Variants in CRB1 observed in about 807,000 individuals in gnomAD.
The protein encoded by CRB1 is protein crumbs homolog 1.
Under a neutral mutation model 120.0 loss-of-function variants are expected in CRB1, and 83 were observed. The observed-to-expected ratio is 0.69, with a 90% CI of 0.58 to 0.83. The LOEUF is 0.83. Ranked by LOEUF, CRB1 falls within the 40% of genes least tolerant of loss-of-function variation. The probability of loss-of-function intolerance (pLI) is 0.00; values close to 1 mark genes in which losing one functional copy is unlikely to be tolerated. For missense variants in CRB1, 1,699 were observed against 1,687.6 expected, an observed-to-expected ratio of 1.01 and a Z score of -0.12; for synonymous variants, 625 against 612.5, an observed-to-expected ratio of 1.02 and a Z score of -0.30.
intron 1 of CRB1, among the ~76,000 whole-genome samples, chr1:197,277,473 T>C (rs1311863443): frequency 6.6e-6 from 1 of 151,934 alleles, no homozygotes; most frequent in East Asian, 1.9e-4. Flanking sequence ...CAACAAGCAA[T>C]TATGTCTAGT....
chr1:197,285,409 C>T (rs893081735), intron 1 of CRB1, among the ~76,000 whole-genome samples: 1 of 151,754 alleles, frequency 6.6e-6, no homozygotes, highest in Non-Finnish European at 1.5e-5. Flanking sequence ...AAATACTCCT[C>T]TCAGTGGGAT....
chr1:197,277,434 G>C (rs1157502968), intron 1 of CRB1, among the ~76,000 whole-genome samples: 3 of 151,988 alleles, frequency 2.0e-5, no homozygotes, highest in African/African-American at 7.2e-5. Context: ...ACACAATTCA[G>C]TTTGCTTTGC....
At chr1:197,406,116 G>A (rs957322855) in intron 5 of CRB1, among the ~76,000 whole-genome samples, 9 of 152,220 alleles carry the variant, frequency 5.9e-5, no homozygotes, top group African/African-American at 9.6e-5. Context: ...TGACAATGGC[G>A]GTTTTGTGGA....
chr1:197,319,256 T>C (rs1658034839), intron 1 of CRB1, among the ~76,000 whole-genome samples: 1 of 23,400 alleles, frequency 4.3e-5, no homozygotes, highest in Non-Finnish European at 9.2e-5. Context: ...ACCCTGTCTC[T>C]ACTAAAAAAA....
At chr1:197,452,998 G>T (rs1430980979) in intron 11 of CRB1, among the ~76,000 whole-genome samples, 1 of 151,842 alleles carries the variant, frequency 6.6e-6, no homozygotes, top group African/African-American at 2.4e-5. Context: ...TTCAGCGAAG[G>T]ATAAATGAAT....
the CRB1 span, among the ~76,000 whole-genome samples, chr1:197,218,369 AT>A: frequency 6.6e-6 from 1 of 152,230 alleles, no homozygotes; most frequent in South Asian, 2.1e-4. Context: ...GCTAGAACTC[AT>A]TTATATAATT....
chr1:197,350,341 G>C (rs1660027821), intron 4 of CRB1, among the ~76,000 whole-genome samples: 1 of 152,128 alleles, frequency 6.6e-6, no homozygotes, highest in African/African-American at 2.4e-5. Context: ...GTATTATTAT[G>C]AAAAGTAAAA....
chr1:197,369,088 C>G (rs1661230673), intron 5 of CRB1, among the ~76,000 whole-genome samples: 1 of 152,126 alleles, frequency 6.6e-6, no homozygotes, highest in Admixed American at 6.5e-5. Context: ...ATCCTGCGAG[C>G]TCTCATATGA....
intron 6 of CRB1, among the ~76,000 whole-genome samples, chr1:197,423,344 G>A (rs1270381527): frequency 6.6e-6 from 1 of 152,004 alleles, no homozygotes; most frequent in African/African-American, 2.4e-5. Context: ...TCCTGAATTG[G>A]TTACCCTTCC....
At chr1:197,254,502 C>A in the CRB1 span, among the ~76,000 whole-genome samples, 5 of 151,820 alleles carry the variant, frequency 3.3e-5, no homozygotes, top group African/African-American at 1.2e-4. Flanking sequence ...TTTTTCATAT[C>A]GTCTCTCTTA....
At chr1:197,379,454 C>T (rs1159533992) in intron 5 of CRB1, among the ~76,000 whole-genome samples, 2 of 151,748 alleles carry the variant, frequency 1.3e-5, no homozygotes, top group Non-Finnish European at 2.9e-5. Flanking sequence ...CTCCCGCCAC[C>T]ACGCCTGGCA....
chr1:197,393,516 T>C (rs560800456), intron 5 of CRB1, among the ~76,000 whole-genome samples: 56 of 134,474 alleles, frequency 4.2e-4, no homozygotes, highest in African/African-American at 1.3e-3. Flanking sequence ...TCTTGAAAAG[T>C]AGTCATTTTT....
In CRB1 at chr1:197,429,233, T is replaced by TTC; in HGVS notation, c.2677-206_2677-205dup. 3.5e-6 allele frequency: 5 copies of TTC among 1,433,916 alleles called. No individual in the cohort carries two copies. In the South Asian group the frequency reaches 6.9e-5, roughly 20 times the overall value. The allele number at this position is 1,433,916 out of a possible 1,614,324, so 88.8% of individuals were successfully genotyped here. A position where few individuals can be genotyped will look rare whatever the true frequency, so the allele number is the denominator to read the frequency against. Reference sequence around the variant, plus strand: ...GTGCTATGGATCAATTTTATATCTTTTCTCTCTCTCTGCCACCACTCTGCC... The same window carrying TTC: ...GTGCTATGGATCAATTTTATATCTTTTCTCTCTCTCTCTGCCACCACTCTGCC... On this transcript the variant is annotated intron_variant, in intron 7 of 11. Coordinates refer to ENST00000367400, the MANE Select transcript of CRB1 (RefSeq NM_201253.3).
intron 1 of CRB1, among the ~76,000 whole-genome samples, chr1:197,321,099 C>A (rs1322550103): frequency 6.6e-6 from 1 of 152,150 alleles, no homozygotes; most frequent in African/African-American, 2.4e-5. Context: ...CTTGCCATAG[C>A]CTTCTGGGGT....
chr1:197,369,808 C>T (rs975629187), intron 5 of CRB1, among the ~76,000 whole-genome samples: 6 of 152,142 alleles, frequency 3.9e-5, no homozygotes, highest in African/African-American at 1.4e-4. Flanking sequence ...AGCCCAATTA[C>T]CAATATCCTC....
At chr1:197,429,376 T>C in intron 7 of CRB1, 73 bp from the exon 8 acceptor site, 12 of 1,539,408 alleles carry the variant, frequency 7.8e-6, no homozygotes, top group South Asian at 1.1e-5. Flanking sequence ...AAAACAGATA[T>C]GTGGTTTCAC....
At chr1:197,250,179 A>G in the CRB1 span, among the ~76,000 whole-genome samples, 2 of 152,084 alleles carry the variant, frequency 1.3e-5, no homozygotes, top group East Asian at 3.9e-4. Flanking sequence ...TTATTGCTCT[A>G]TATTTTTCAT....
At chr1:197,289,723 T>C (rs59087047) in intron 1 of CRB1, among the ~76,000 whole-genome samples, 1 of 151,940 alleles carries the variant, frequency 6.6e-6, no homozygotes, top group African/African-American at 2.4e-5. Flanking sequence ...TTTTCAGCTA[T>C]GTCTAATATG....
intron 5 of CRB1, chr1:197,364,065 G>T (rs144006126): frequency 2.9e-5 from 38 of 1,321,820 alleles, no homozygotes; most frequent in Non-Finnish European, 3.5e-5. Context: ...AGGCAGATCC[G>T]TGGCGGGGCT....
Sources: gnomAD v4.1 joint callset for allele counts (sites outside exome capture counted in the v4.1 genomes callset) on GRCh38, gnomAD v4.1.1 for gene constraint, MANE v1.5 for transcripts, NCBI Gene and HGNC (gene_info 2026-07-23, HGNC 2026-07-21) for gene names.